EXOC1: variants seen among roughly 807,000 people sequenced by gnomAD.
EXOC1 encodes exocyst complex component 1.
A neutral mutation model predicts 107.7 loss-of-function variants in EXOC1; 67 were observed. The observed-to-expected ratio is 0.62, with a 90% CI of 0.51 to 0.76. The LOEUF is 0.76. Ranked by LOEUF, EXOC1 falls within the 30% of genes least tolerant of loss-of-function variation. EXOC1 has a pLI of 0.00. For synonymous variants in EXOC1, 348 were observed against 353.5 expected, an observed-to-expected ratio of 0.98 and a Z score of 0.17; for missense variants, 833 against 1,055.7, an observed-to-expected ratio of 0.79 and a Z score of 2.92.
chr4:55,886,099 TTTATTATA>T (rs1723844244), intron 10 of EXOC1, among the ~76,000 whole-genome samples: 1 of 152,226 alleles, frequency 6.6e-6, no homozygotes, highest in Admixed American at 6.5e-5. Context: ...TATTCAATAC[TTTATTATA>T]AAACAGGCTT....
rs777756588 is a variant in EXOC1, at chr4:55,891,321, G to A, written c.1546G>A (p.Glu516Lys). Residue 516 changes from glutamate to lysine, a missense_variant, in exon 13 of 19, where the codon GAA (glutamate) becomes AAA (lysine). This residue lies in a region of EXOC1 where 617 missense variants were observed against 701.3 expected (regional missense o/e 0.88). Transcript: ENST00000381295. The part of the protein sequence containing the change: ...ADRTKFDKIF[E>K]QVLSELEPLC... ...TCACTTTGGTTTTCTTCAGATCTTT[G>A]AACAGGTACTAAGTGAACTGGAGCC... 1.2e-6 allele frequency: 2 copies of A among 1,612,410 alleles called. No homozygotes were observed. Among genetic ancestry groups the A allele is most frequent in the Admixed American group, 3.3e-5 (2 of 59,972 alleles).
chr4:55,857,951 G>A (rs1334333523), intron 1 of EXOC1, among the ~76,000 whole-genome samples: 1 of 152,158 alleles, frequency 6.6e-6, no homozygotes, highest in Non-Finnish European at 1.5e-5. Flanking sequence ...TTGGAAAAAT[G>A]TCTGTTCAGG....
At chr4:55,867,820 A>G (rs1367424727) in intron 4 of EXOC1, among the ~76,000 whole-genome samples, 1 of 152,238 alleles carries the variant, frequency 6.6e-6, no homozygotes, top group Non-Finnish European at 1.5e-5. Context: ...TATGGATTAT[A>G]GATGCATTTT....
At chr4:55,864,188 G>A in intron 3 of EXOC1, 39 bp from the exon 4 acceptor site, 9 of 1,307,578 alleles carry the variant, frequency 6.9e-6, no homozygotes, top group Non-Finnish European at 8.4e-6. Flanking sequence ...GTAAAAGGAT[G>A]TGATCAAAAA....
chr4:55,883,996 A>G, intron 10 of EXOC1, 68 bp downstream of exon 10: 1 of 1,107,788 alleles, frequency 9.0e-7, no homozygotes, highest in South Asian at 1.5e-5. Context: ...AAATAATTCT[A>G]AGACTTCTTA....
chr4:55,883,673 C>T, intron 9 of EXOC1, 150 bp from the exon 10 acceptor site: 1 of 488,404 alleles, frequency 2.0e-6, no homozygotes, highest in Non-Finnish European at 3.6e-6. Flanking sequence ...TTTTTTAAGA[C>T]AGAAAGTAAC....
intron 10 of EXOC1, among the ~76,000 whole-genome samples, chr4:55,888,575 T>A (rs1331778063): frequency 6.6e-6 from 1 of 151,892 alleles, no homozygotes; most frequent in East Asian, 1.9e-4. Flanking sequence ...GTCTTTTAAA[T>A]TTAAGTGTAC....
intron 5 of EXOC1, among the ~76,000 whole-genome samples, chr4:55,869,382 A>G (rs1177561407): frequency 1.3e-5 from 2 of 152,150 alleles, no homozygotes; most frequent in African/African-American, 4.8e-5. Context: ...AAACAGAACA[A>G]AACAAAAAAA....
chr4:55,881,733 A>T (rs1302340718), intron 9 of EXOC1, among the ~76,000 whole-genome samples: 1 of 152,200 alleles, frequency 6.6e-6, no homozygotes, highest in Admixed American at 6.5e-5. Flanking sequence ...GGAGCCAATC[A>T]GATACGCATT....
chr4:55,877,274 A>G lies in EXOC1; in HGVS notation c.1075-643A>G, dbSNP rs542261175. 4 of 985,376 alleles carry G rather than the reference A, an allele frequency of 4.1e-6. No individual in the cohort carries two copies. In the East Asian group the frequency reaches 4.5e-4, roughly 112 times the overall value. 61.0% of individuals were successfully genotyped at this position (985,376 alleles called of 1,614,324 possible). A position where few individuals can be genotyped will look rare whatever the true frequency, so the allele number is the denominator to read the frequency against. On this transcript the variant is annotated intron_variant, in intron 8 of 18. Coordinates refer to ENST00000381295, the MANE Select transcript of EXOC1 (RefSeq NM_001024924.2). ...GTAATTTTAATACAGTTTTCACAAA[A>G]TGCTGACAAATAACTTCTGGCTATC...
chr4:55,886,958 T>C (rs1723946283), intron 10 of EXOC1, among the ~76,000 whole-genome samples: 1 of 152,166 alleles, frequency 6.6e-6, no homozygotes, highest in Non-Finnish European at 1.5e-5. Context: ...GGAAGTAGCT[T>C]TTCTTTGTGA....
At chr4:55,885,080 A>T (rs749498299) in intron 10 of EXOC1, among the ~76,000 whole-genome samples, 4 of 152,104 alleles carry the variant, frequency 2.6e-5, no homozygotes, top group Non-Finnish European at 4.4e-5. Flanking sequence ...GTGTGTTTAT[A>T]TCCCTGTTAA....
intron 15 of EXOC1, among the ~76,000 whole-genome samples, chr4:55,894,003 A>G (rs1400124483): frequency 1.3e-5 from 2 of 152,094 alleles, no homozygotes; most frequent in Non-Finnish European, 2.9e-5. Context: ...TTCTGGAGGA[A>G]GTGGCACAGT....
intron 8 of EXOC1, among the ~76,000 whole-genome samples, chr4:55,873,468 A>G (rs764511382): frequency 1.8e-4 from 27 of 152,166 alleles, no homozygotes; most frequent in Non-Finnish European, 3.5e-4. Context: ...GTTGACAATT[A>G]TGTTATCCAC....
At chr4:55,894,189 G>T (rs1195275306) in intron 15 of EXOC1, among the ~76,000 whole-genome samples, 1 of 152,082 alleles carries the variant, frequency 6.6e-6, no homozygotes, top group Non-Finnish European at 1.5e-5. Flanking sequence ...GCCGGGCGTG[G>T]TAGCACATGC....
chr4:55,887,909 CAGGTAGCCAAGGCTAG>C (rs981538712), intron 10 of EXOC1, among the ~76,000 whole-genome samples: 9 of 145,826 alleles, frequency 6.2e-5, no homozygotes, highest in Non-Finnish European at 1.2e-4. Flanking sequence ...CCTTGAGCTT[CAGGTAGCCAAGGCTAG>C]AAAGATATAC....
chr4:55,876,294 G>A (rs1722888126), intron 8 of EXOC1: 1 of 985,242 alleles, frequency 1.0e-6, no homozygotes, highest in South Asian at 4.7e-5. Flanking sequence ...TAGCCACCCA[G>A]AAAAGAATAT....
intron 9 of EXOC1, among the ~76,000 whole-genome samples, chr4:55,879,422 G>C (rs1418540190): frequency 6.6e-6 from 1 of 152,206 alleles, no homozygotes; most frequent in Non-Finnish European, 1.5e-5. Context: ...TTGCAGAGCA[G>C]GGAGGCCAGT....
intron 7 of EXOC1, 23 bp from the exon 8 acceptor site, chr4:55,871,826 C>T (rs1722469342): frequency 1.9e-6 from 3 of 1,604,388 alleles, no homozygotes; most frequent in Non-Finnish European, 1.7e-6. Context: ...TTAAACTGGT[C>T]ACAAAATGTC....
Sources: gnomAD v4.1 joint callset for allele counts (sites outside exome capture counted in the v4.1 genomes callset) on GRCh38, gnomAD v4.1.1 for gene constraint, gnomAD v4.1.1 regional missense constraint, MANE v1.5 for transcripts, NCBI Gene and HGNC (gene_info 2026-07-23, HGNC 2026-07-21) for gene names.